The following DNER variants were observed in gnomAD, a reference collection of about 807,000 sequenced individuals.
DNER encodes the protein delta and Notch-like epidermal growth factor-related receptor.
In DNER, 33 loss-of-function variants were observed where a neutral mutation model predicts 78.2. That is an observed-to-expected ratio of 0.42 (90% CI 0.32 to 0.56). The LOEUF (loss-of-function observed/expected upper bound fraction) is 0.56, where lower values mean the gene tolerates loss of function less well. DNER is among the 20% of genes least tolerant of loss of function. DNER has a pLI of 0.11. For synonymous variants in DNER, 417 were observed against 384.8 expected (o/e 1.08, Z -0.98); for missense variants, 918 against 975.3 (o/e 0.94, Z 0.78).
intron 5 of DNER, among the ~76,000 whole-genome samples, chr2:229,535,494 C>T (rs1329261445): frequency 2.6e-5 from 4 of 152,176 alleles, no homozygotes; most frequent in African/African-American, 7.2e-5. Flanking sequence ...GCCATTAAGA[C>T]TCATTAGTTG....
At chr2:229,650,194 T>G (rs879028633) in intron 1 of DNER, among the ~76,000 whole-genome samples, 1 of 152,074 alleles carries the variant, frequency 6.6e-6, no homozygotes, top group Non-Finnish European at 1.5e-5. Flanking sequence ...CTAAGGAAAT[T>G]TCATCAGCTG....
chr2:229,709,730 A>G (rs1396413124), intron 1 of DNER, among the ~76,000 whole-genome samples: 1 of 152,268 alleles, frequency 6.6e-6, no homozygotes, highest in African/African-American at 2.4e-5. Flanking sequence ...CATTGTTATT[A>G]TAATCCTGAA....
intron 7 of DNER, among the ~76,000 whole-genome samples, chr2:229,461,218 TTATATA>T (rs1323556224): frequency 6.6e-6 from 1 of 152,078 alleles, no homozygotes; most frequent in Non-Finnish European, 1.5e-5. Context: ...CAGACATACA[TTATATA>T]TAAAGAGTTT....
At chr2:229,432,738 G>A (rs12466167) in intron 8 of DNER, among the ~76,000 whole-genome samples, 62,203 of 151,866 alleles carry the variant, frequency 0.41, 13,410 homozygotes, top group East Asian at 0.68. Flanking sequence ...TCTAAGGGTA[G>A]GGCCCAGAAC....
intron 7 of DNER, among the ~76,000 whole-genome samples, chr2:229,449,383 A>G (rs1694405342): frequency 6.6e-6 from 1 of 152,242 alleles, no homozygotes; most frequent in Admixed American, 6.5e-5. Context: ...ATCTGTCTAG[A>G]AAATGCAGCA....
At chr2:229,364,416 G>A (rs1324412822) in intron 12 of DNER, among the ~76,000 whole-genome samples, 2 of 152,110 alleles carry the variant, frequency 1.3e-5, no homozygotes, top group Admixed American at 6.5e-5. Context: ...TATTTACAGG[G>A]TAGTGGCATA....
intron 7 of DNER, among the ~76,000 whole-genome samples, chr2:229,464,165 G>A (rs1020767490): frequency 6.6e-6 from 1 of 152,174 alleles, no homozygotes; most frequent in Non-Finnish European, 1.5e-5. Context: ...AGTGTGTATG[G>A]AAAACTTAAT....
intron 7 of DNER, among the ~76,000 whole-genome samples, chr2:229,455,526 C>T (rs1694553276): frequency 6.6e-6 from 1 of 152,084 alleles, no homozygotes; most frequent in Non-Finnish European, 1.5e-5. Context: ...ATGAATCCCA[C>T]AGGGTCATGA....
At chr2:229,580,436 A>G (rs1697371827) in intron 4 of DNER, 2 of 152,222 alleles carry the variant, frequency 1.3e-5, no homozygotes, top group Non-Finnish European at 2.9e-5. Flanking sequence ...TATAAGTTAG[A>G]CATTTTAATA....
intron 11 of DNER, among the ~76,000 whole-genome samples, chr2:229,386,001 C>G: frequency 6.6e-6 from 1 of 152,164 alleles, no homozygotes; most frequent in African/African-American, 2.4e-5. Context: ...AAAAAAGAGC[C>G]TGCATAGCCA....
At chr2:229,624,806 C>T (rs1264120467) in intron 1 of DNER, among the ~76,000 whole-genome samples, 2 of 152,174 alleles carry the variant, frequency 1.3e-5, no homozygotes, top group Non-Finnish European at 2.9e-5. Context: ...CTACATAACA[C>T]CTTTGTATTT....
intron 4 of DNER, among the ~76,000 whole-genome samples, chr2:229,564,244 T>A (rs753593581): frequency 5.5e-5 from 8 of 146,278 alleles, no homozygotes; most frequent in Non-Finnish European, 1.0e-4. Context: ...ATCATCAACA[T>A]CATGACAGCA....
Position 229,714,534 on chromosome 2 carries a change from G to T in DNER, c.-111C>A, listed in dbSNP as rs895585299. 13 of 1,040,044 alleles carry T rather than the reference G, an allele frequency of 1.2e-5. No homozygotes were observed. The highest frequency in any genetic ancestry group is 1.5e-5 in the Non-Finnish European group (13 of 865,646). The allele number at this position is 1,040,044 out of a possible 1,614,324, so 64.4% of individuals were successfully genotyped here. A position where few individuals can be genotyped will look rare whatever the true frequency, so the allele number is the denominator to read the frequency against. On this transcript the variant is annotated 5_prime_UTR_variant, in exon 1 of 13. Transcript: ENST00000341772. ...CGGTGGCGGCTAGGGCTGCTCCGCC[G>T]GGCCGGGCGCCTCCTGCAGCTGCGG...
At chr2:229,622,620 T>C (rs1236317821) in intron 1 of DNER, among the ~76,000 whole-genome samples, 1 of 152,128 alleles carries the variant, frequency 6.6e-6, no homozygotes, top group Admixed American at 6.5e-5. Context: ...CCCCAGTACC[T>C]CAGAATGTGG....
chr2:229,469,533 C>T (rs377115441), intron 7 of DNER, among the ~76,000 whole-genome samples: 53 of 152,236 alleles, frequency 3.5e-4, no homozygotes, highest in African/African-American at 1.0e-3. Context: ...AATGAGGCAT[C>T]GAGAATTTAA....
intron 6 of DNER, among the ~76,000 whole-genome samples, chr2:229,499,831 A>G (rs1695577994): frequency 6.6e-6 from 1 of 152,210 alleles, no homozygotes; most frequent in Non-Finnish European, 1.5e-5. Flanking sequence ...CTGATAAAGA[A>G]TTGCTATTTC....
At chr2:229,359,476 G>A (rs145605084) in intron 12 of DNER, among the ~76,000 whole-genome samples, 1 of 152,134 alleles carries the variant, frequency 6.6e-6, no homozygotes, top group East Asian at 1.9e-4. Context: ...TACAAGCCCT[G>A]GAGTGCAACA....
At chr2:229,545,125 C>T (rs1437539255) in intron 5 of DNER, among the ~76,000 whole-genome samples, 2 of 152,102 alleles carry the variant, frequency 1.3e-5, no homozygotes, top group East Asian at 1.9e-4. Context: ...ATGTGTATAA[C>T]TAGAGACAAA....
At chr2:229,495,756 A>T (rs1459085416) in intron 6 of DNER, among the ~76,000 whole-genome samples, 1 of 152,234 alleles carries the variant, frequency 6.6e-6, no homozygotes, top group Non-Finnish European at 1.5e-5. Flanking sequence ...AGTCAAGTTG[A>T]CACATAAAAT....
Sources: allele counts gnomAD v4.1 joint callset (sites outside exome capture counted in the v4.1 genomes callset), GRCh38; gene constraint gnomAD v4.1.1; transcripts MANE v1.5; gene names NCBI Gene and HGNC (gene_info 2026-07-23, HGNC 2026-07-21).